Variants in VTI1A observed in about 807,000 individuals in gnomAD.
VTI1A encodes the protein vesicle transport through interaction with t-SNAREs 1A.
In VTI1A, 22 loss-of-function variants were observed where a neutral mutation model predicts 34.9. The ratio of observed to expected loss-of-function variants is 0.63; its 90% CI spans 0.45 to 0.90. VTI1A has a LOEUF of 0.90. Among genes scored for constraint, VTI1A ranks in the 40% least tolerant of loss-of-function variants. The pLI is 0.00. For synonymous variants in VTI1A, 87 were observed against 97.3 expected, an observed-to-expected ratio of 0.89 and a Z score of 0.62; for missense variants, 268 against 275.6, an observed-to-expected ratio of 0.97 and a Z score of 0.20.
chr10:112,695,612 T>C (rs1032676150), intron 7 of VTI1A, among the ~76,000 whole-genome samples: 1 of 152,220 alleles, frequency 6.6e-6, no homozygotes, highest in Non-Finnish European at 1.5e-5. Context: ...GGATAGTTCC[T>C]TCTTACACTG....
chr10:112,830,194 C>G, the VTI1A span, among the ~76,000 whole-genome samples: 1 of 152,202 alleles, frequency 6.6e-6, no homozygotes, highest in East Asian at 1.9e-4. Flanking sequence ...GATCATAGAG[C>G]CTTCTGGTTC....
intron 7 of VTI1A, among the ~76,000 whole-genome samples, chr10:112,757,665 C>T (rs956543834): frequency 2.0e-5 from 3 of 151,992 alleles, no homozygotes; most frequent in African/African-American, 4.8e-5. Context: ...GGATTACAGG[C>T]GTGAGTCACT....
At chr10:112,453,137 A>G (rs1401592780) in intron 1 of VTI1A, among the ~76,000 whole-genome samples, 1 of 152,168 alleles carries the variant, frequency 6.6e-6, no homozygotes, top group African/African-American at 2.4e-5. Context: ...GGTTCCCTCA[A>G]CTGGGATTTG....
intron 5 of VTI1A, among the ~76,000 whole-genome samples, chr10:112,613,735 A>G (rs749889064): frequency 1.3e-5 from 2 of 152,244 alleles, no homozygotes; most frequent in Non-Finnish European, 2.9e-5. Context: ...GCCCTTCATT[A>G]GCCCTCATGC....
intron 7 of VTI1A, among the ~76,000 whole-genome samples, chr10:112,808,928 T>C (rs1180475552): frequency 6.6e-5 from 10 of 152,192 alleles, no homozygotes; most frequent in Non-Finnish European, 1.5e-4. Context: ...AAAGACAGTA[T>C]CTTTTTCTTG....
In VTI1A at chr10:112,447,285, G is replaced by A. The variant is rs1223000639; in HGVS notation, c.-89G>A. 3.5e-6 allele frequency: 5 copies of A among 1,428,170 alleles called. No homozygotes were observed. Among genetic ancestry groups the A allele is most frequent in the Non-Finnish European group, 4.8e-6 (5 of 1,047,220 alleles). The allele number at this position is 1,428,170 out of a possible 1,614,324, so 88.5% of individuals were successfully genotyped here. A position where few individuals can be genotyped will look rare whatever the true frequency, so the allele number is the denominator to read the frequency against. On this transcript the variant is annotated 5_prime_UTR_variant, in exon 1 of 8. Transcript: ENST00000393077. ...GTTCTGCTCTCGGGGGCACCTTCCG[G>A]GGTTCCTAAGCCGCGGGGCCCCTCG...
intron 5 of VTI1A, among the ~76,000 whole-genome samples, chr10:112,659,737 G>A (rs1222590520): frequency 2.6e-5 from 4 of 152,158 alleles, no homozygotes; most frequent in South Asian, 2.1e-4. Context: ...GCGCACGCGC[G>A]TGCATAGGCC....
At chr10:112,529,526 AAG>A (rs1405087879) in intron 4 of VTI1A, among the ~76,000 whole-genome samples, 1 of 152,118 alleles carries the variant, frequency 6.6e-6, no homozygotes, top group Non-Finnish European at 1.5e-5. Flanking sequence ...AGTAGCTAGG[AAG>A]AGTTTTTTTC....
Position 112,815,596 on chromosome 10 carries a change from G to C in VTI1A, c.*213G>C, listed in dbSNP as rs1050397465. ...CCTTTTCGAGGTTTGTCTTCACCCA[G>C]ATTCGTTTTTTAGAGGGGAAGGTGA... On this transcript the variant is annotated 3_prime_UTR_variant, in exon 8 of 8. Transcript: ENST00000393077. 5.3e-6 allele frequency: 3 copies of C among 562,296 alleles called. No homozygotes were observed. The highest frequency in any genetic ancestry group is 9.5e-6 in the Non-Finnish European group (3 of 314,156). 34.8% of individuals were successfully genotyped at this position (562,296 alleles called of 1,614,324 possible). A position where few individuals can be genotyped will look rare whatever the true frequency, so the allele number is the denominator to read the frequency against.
intron 7 of VTI1A, among the ~76,000 whole-genome samples, chr10:112,810,643 C>T (rs1388719689): frequency 6.6e-6 from 1 of 152,170 alleles, no homozygotes; most frequent in African/African-American, 2.4e-5. Flanking sequence ...TGCTCCTGGT[C>T]CAGTTACCAT....
chr10:112,557,537 A>G (rs1289301405), intron 5 of VTI1A, among the ~76,000 whole-genome samples: 8 of 152,208 alleles, frequency 5.3e-5, no homozygotes, highest in Non-Finnish European at 1.2e-4. Context: ...GAATGTGTTT[A>G]AAATTGCCTC....
At position 112,817,255 on chromosome 10, in the gene VTI1A, C is replaced by G; in HGVS notation, c.*1872C>G. 4.3e-6 allele frequency: 1 copy of G among 232,386 alleles called. No homozygotes were observed. The allele number at this position is 232,386 out of a possible 1,614,324, so 14.4% of individuals were successfully genotyped here. ...CTTAGCTAAAGTGTATAACCAGTTA[C>G]CAGCTGCACTTCGCACGGCCATCCC... On this transcript the variant is annotated 3_prime_UTR_variant, in exon 8 of 8. Transcript: ENST00000393077.
At chr10:112,623,529 A>ATT (rs1845810921) in intron 5 of VTI1A, among the ~76,000 whole-genome samples, 1 of 151,320 alleles carries the variant, frequency 6.6e-6, no homozygotes, top group African/African-American at 2.4e-5. Context: ...GCTGGCTGAG[A>ATT]ACTCTCTTTG....
chr10:112,455,548 TTTCC>T (rs559846738), intron 1 of VTI1A, among the ~76,000 whole-genome samples: 91 of 105,806 alleles, frequency 8.6e-4, no homozygotes, highest in Non-Finnish European at 1.2e-3. Flanking sequence ...TTCACTTCCC[TTTCC>T]TTCCTTCCTT....
chr10:112,593,336 G>T (rs1844469950), intron 5 of VTI1A, among the ~76,000 whole-genome samples: 1 of 152,122 alleles, frequency 6.6e-6, no homozygotes, highest in Admixed American at 6.5e-5. Flanking sequence ...TGTGTTTTTG[G>T]TGTATTTTCT....
chr10:112,661,235 G>A (rs977506506), intron 5 of VTI1A, among the ~76,000 whole-genome samples: 2 of 152,088 alleles, frequency 1.3e-5, no homozygotes, highest in African/African-American at 4.8e-5. Flanking sequence ...CGCCCTCCTC[G>A]GCCTCCTAAA....
the VTI1A span, among the ~76,000 whole-genome samples, chr10:112,844,923 G>A: frequency 6.6e-6 from 1 of 152,118 alleles, no homozygotes; most frequent in Admixed American, 6.5e-5. Flanking sequence ...ATTCACATAG[G>A]GTTTTCTGCT....
intron 5 of VTI1A, among the ~76,000 whole-genome samples, chr10:112,662,272 T>A (rs1283182859): frequency 6.6e-6 from 1 of 152,154 alleles, no homozygotes; most frequent in Non-Finnish European, 1.5e-5. Context: ...TAATAATCTC[T>A]TTTTCTGGGA....
intron 5 of VTI1A, among the ~76,000 whole-genome samples, chr10:112,611,737 A>ATTTTTTTTTTTTTTTTCTTT (rs1845316942): frequency 9.9e-6 from 1 of 100,856 alleles, no homozygotes; most frequent in Non-Finnish European, 1.9e-5. Context: ...GAGAAAGGTA[A>ATTTTTTTTTTTTTTTTCTTT]TTTTTTTTTT....
Sources: gnomAD v4.1 joint callset for allele counts (sites outside exome capture counted in the v4.1 genomes callset) on GRCh38, gnomAD v4.1.1 for gene constraint, MANE v1.5 for transcripts, NCBI Gene and HGNC (gene_info 2026-07-23, HGNC 2026-07-21) for gene names.